XRN2: variants seen among roughly 807,000 people sequenced by gnomAD.
XRN2 encodes the protein 5'-3' exoribonuclease 2.
In XRN2, 44 loss-of-function variants were observed where a neutral mutation model predicts 138.5. The ratio of observed to expected loss-of-function variants is 0.32; its 90% CI spans 0.25 to 0.41. The LOEUF (loss-of-function observed/expected upper bound fraction) is 0.41, where lower values mean the gene tolerates loss of function less well. XRN2 is among the 10% of genes least tolerant of loss of function. XRN2 has a pLI of 1.00. For missense variants in XRN2, 937 were observed against 1,169.3 expected, an observed-to-expected ratio of 0.80 and a Z score of 2.90; for synonymous variants, 354 against 369.4, an observed-to-expected ratio of 0.96 and a Z score of 0.48.
intron 13 of XRN2, among the ~76,000 whole-genome samples, chr20:21,337,778 G>C (rs1251078474): frequency 6.6e-6 from 1 of 152,202 alleles, no homozygotes; most frequent in African/African-American, 2.4e-5. Flanking sequence ...AGAGGCTGGG[G>C]AGTTGAGGAA....
At chr20:21,346,610 T>C (rs1413567183) in intron 17 of XRN2, 60 bp downstream of exon 17, 2 of 1,572,564 alleles carry the variant, frequency 1.3e-6, no homozygotes, top group Non-Finnish European at 1.7e-6. Flanking sequence ...AATAGTAATT[T>C]CTTTTTTTTT....
chr20:21,325,113 C>G (rs1304583754), intron 1 of XRN2, among the ~76,000 whole-genome samples: 1 of 152,160 alleles, frequency 6.6e-6, no homozygotes, highest in Non-Finnish European at 1.5e-5. Flanking sequence ...TTCACTTAAC[C>G]TAATGTTTTT....
At chr20:21,368,732 G>A (rs1444498103) in intron 27 of XRN2, 142 bp downstream of exon 27, 4 of 1,150,618 alleles carry the variant, frequency 3.5e-6, no homozygotes, top group Non-Finnish European at 4.8e-6. Context: ...GAAGAGTTGT[G>A]AGAGAATACC....
Position 21,336,423 on chromosome 20 carries a change from C to A in XRN2, c.1233+2238C>A, listed in dbSNP as rs543179069. Among the ~76,000 whole-genome samples the A allele has an allele frequency of 7.9e-5, 12 of 152,270 alleles. No individual in the cohort carries two copies. The East Asian group carries it at 2.3e-3, about 29-fold the overall frequency. On this transcript the variant is annotated intron_variant, in intron 13 of 29. Coordinates refer to ENST00000377191, the MANE Select transcript of XRN2 (RefSeq NM_012255.5). ...GCTGCAGTGAGCTGGGATCATGCTACTGCACTCCAGCCAGGGCGACAGAGC... is the reference window on the plus strand; with the variant it reads ...GCTGCAGTGAGCTGGGATCATGCTAATGCACTCCAGCCAGGGCGACAGAGC...
In XRN2 at chr20:21,346,313, C is replaced by T; in HGVS notation, c.1530-102C>T. 3.5e-6 allele frequency: 5 copies of T among 1,436,806 alleles called. 1 individual carries two copies. The highest frequency in any genetic ancestry group is 2.6e-5 in the South Asian group (2 of 77,190). The allele number at this position is 1,436,806 out of a possible 1,614,324, so 89.0% of individuals were successfully genotyped here. ...ATGACTGTTTAACTCTTTCACATTT[C>T]CCCTGGGTATTAAATATAAATTGAT... On this transcript the variant is annotated intron_variant, in intron 16 of 29. Transcript: ENST00000377191.
chr20:21,386,154 A>G (rs1473369409), intron 28 of XRN2, among the ~76,000 whole-genome samples: 1 of 152,242 alleles, frequency 6.6e-6, no homozygotes, highest in Admixed American at 6.5e-5. Flanking sequence ...CAATTAAAAC[A>G]TTTCTTTCGA....
At chr20:21,346,722 C>T (rs1306910012) in intron 17 of XRN2, among the ~76,000 whole-genome samples, 172 bp downstream of exon 17, 2 of 152,116 alleles carry the variant, frequency 1.3e-5, no homozygotes, top group Non-Finnish European at 2.9e-5. Context: ...CAGGTTCAAG[C>T]GATTCTCCTG....
intron 22 of XRN2, 91 bp downstream of exon 22, chr20:21,356,268 T>A: frequency 2.0e-6 from 2 of 991,598 alleles, no homozygotes; most frequent in Non-Finnish European, 3.0e-6. Flanking sequence ...TAACCATTTT[T>A]AAGTGGTTAT....
At chr20:21,352,587 T>G (rs2038523436) in intron 20 of XRN2, among the ~76,000 whole-genome samples, 1 of 152,142 alleles carries the variant, frequency 6.6e-6, no homozygotes, top group Admixed American at 6.6e-5. Context: ...CACCTCAGCC[T>G]CCCAAAGTGC....
intron 27 of XRN2, among the ~76,000 whole-genome samples, chr20:21,378,167 T>C (rs1446393806): frequency 6.6e-6 from 1 of 152,266 alleles, no homozygotes; most frequent in Non-Finnish European, 1.5e-5. Flanking sequence ...TTTGCCTAGA[T>C]GCTTACAACT....
intron 24 of XRN2, among the ~76,000 whole-genome samples, chr20:21,363,099 C>T (rs1205450181): frequency 6.6e-6 from 1 of 152,124 alleles, no homozygotes; most frequent in Non-Finnish European, 1.5e-5. Flanking sequence ...AAATAATTCC[C>T]TCCCCGCAGT....
intron 20 of XRN2, among the ~76,000 whole-genome samples, chr20:21,352,001 A>G (rs991357774): frequency 1.3e-5 from 2 of 152,236 alleles, no homozygotes; most frequent in African/African-American, 4.8e-5. Context: ...TGTGTCTTCC[A>G]ACTTTATTCA....
In XRN2 at chr20:21,377,264, C is replaced by CTTTTTTTTTTTTTTTTTTT. The variant is rs761622310; in HGVS notation, c.2585-4716_2585-4715insTTTTTTTTTTTTTTTTTTT. Among the ~76,000 whole-genome samples the CTTTTTTTTTTTTTTTTTTT allele has an allele frequency of 3.6e-3, 302 of 82,774 alleles. 37 individuals carry two copies. The highest frequency in any genetic ancestry group is 0.024 in the Middle Eastern group (2 of 84). 54.3% of individuals were successfully genotyped at this position (82,774 alleles called of 152,430 possible). A position where few individuals can be genotyped will look rare whatever the true frequency, so the allele number is the denominator to read the frequency against. Reference sequence around the variant, plus strand: ...CCAACATATGATTTGTCGGTTTTTTCTTTTTTTTTTTTTTGGTCAGTCTTG... The same window carrying CTTTTTTTTTTTTTTTTTTT: ...CCAACATATGATTTGTCGGTTTTTTCTTTTTTTTTTTTTTTTTTTTTTTTTTTTTTTTTGGTCAGTCTTG... On this transcript the variant is annotated intron_variant, in intron 27 of 29. Coordinates refer to ENST00000377191, the MANE Select transcript of XRN2 (RefSeq NM_012255.5).
chr20:21,303,810 A>G (rs2037775040), intron 1 of XRN2: 2 of 1,079,370 alleles, frequency 1.9e-6, no homozygotes, highest in South Asian at 3.8e-5. Flanking sequence ...TGGGTCTCGG[A>G]AGAGGTTCAG....
At chr20:21,338,456 C>G (rs1350884954) in intron 13 of XRN2, among the ~76,000 whole-genome samples, 1 of 152,136 alleles carries the variant, frequency 6.6e-6, no homozygotes. Context: ...ACCTCAATTT[C>G]CTTCCTTTTT....
At chr20:21,308,317 T>C (rs1021655687) in intron 1 of XRN2, among the ~76,000 whole-genome samples, 17 of 152,254 alleles carry the variant, frequency 1.1e-4, no homozygotes, top group African/African-American at 4.1e-4. Context: ...TGAACATCTC[T>C]GTACAAGTCA....
intron 1 of XRN2, among the ~76,000 whole-genome samples, chr20:21,310,086 G>C (rs2037859549): frequency 6.6e-6 from 1 of 152,132 alleles, no homozygotes; most frequent in Non-Finnish European, 1.5e-5. Flanking sequence ...GATCTTGAGT[G>C]CCATAAATTG....
At chr20:21,342,402 A>G (rs908969373) in intron 15 of XRN2, among the ~76,000 whole-genome samples, 1 of 152,230 alleles carries the variant, frequency 6.6e-6, no homozygotes, top group Non-Finnish European at 1.5e-5. Context: ...TGAATCTGGT[A>G]TGTTCACAAG....
At chr20:21,364,936 TC>T (rs1334103853) in intron 24 of XRN2, among the ~76,000 whole-genome samples, 2 of 151,802 alleles carry the variant, frequency 1.3e-5, no homozygotes, top group Non-Finnish European at 2.9e-5. Flanking sequence ...GTTAAGTCCA[TC>T]CCCCCCGCAC....
Sources: allele counts gnomAD v4.1 joint callset (sites outside exome capture counted in the v4.1 genomes callset), GRCh38; gene constraint gnomAD v4.1.1; transcripts MANE v1.5; gene names NCBI Gene and HGNC (gene_info 2026-07-23, HGNC 2026-07-21).